NCOA2: variants seen among roughly 807,000 people sequenced by gnomAD.
The protein encoded by NCOA2 is class E basic helix-loop-helix protein 75.
A neutral mutation model predicts 145.1 loss-of-function variants in NCOA2; 21 were observed. That is an observed-to-expected ratio of 0.14 (90% CI 0.10 to 0.21). The LOEUF is 0.21. Among genes scored for constraint, NCOA2 ranks in the 10% least tolerant of loss-of-function variants. The pLI is 1.00. For synonymous variants in NCOA2, 619 were observed against 637.5 expected (o/e 0.97, Z 0.44); for missense variants, 1,472 against 1,837.6 (o/e 0.80, Z 3.64).
At chr8:70,368,445 T>C (rs1300460589) in intron 1 of NCOA2, among the ~76,000 whole-genome samples, 1 of 151,984 alleles carries the variant, frequency 6.6e-6, no homozygotes, top group Non-Finnish European at 1.5e-5. Flanking sequence ...GGATTATAGA[T>C]AAAAGACCAA....
rs1282613316 is a variant in NCOA2 at position 70,141,318 on chromosome 8, C to T, written c.2894G>A (p.Cys965Tyr). The change falls in exon 14 of 23, where the codon TGT becomes TAT. Residue 965 changes from cysteine (C) to tyrosine (Y), a missense_variant. Transcript: ENST00000452400. Reference sequence around the variant, plus strand: ...GTTCATGGCACTGGTGGTAGCAGCACAGGTGACTCTCACAGCCGAACTCTG... The same window carrying T: ...GTTCATGGCACTGGTGGTAGCAGCATAGGTGACTCTCACAGCCGAACTCTG... ...APQSSAVRVTCAATTSAMNRP... is the reference protein window; with the variant it reads ...APQSSAVRVTYAATTSAMNRP... 1 of 1,613,944 alleles carries T rather than the reference C, an allele frequency of 6.2e-7. No homozygotes were observed. Among genetic ancestry groups the T allele is most frequent in the Admixed American group, 1.7e-5 (1 of 60,014 alleles).
At chr8:70,424,320 CT>C in the NCOA2 span, 1 of 370,282 alleles carries the variant, frequency 2.7e-6, no homozygotes. Flanking sequence ...CCTTTCCATC[CT>C]TCTGCCTGTT....
the NCOA2 span, among the ~76,000 whole-genome samples, chr8:70,448,557 A>G: frequency 6.6e-6 from 1 of 152,356 alleles, no homozygotes; most frequent in African/African-American, 2.4e-5. Context: ...TGGCATCACG[A>G]CTAAGAAAAC....
intron 1 of NCOA2, among the ~76,000 whole-genome samples, chr8:70,333,313 G>A (rs1018124329): frequency 2.6e-5 from 4 of 152,136 alleles, no homozygotes; most frequent in African/African-American, 9.7e-5. Context: ...TGGGTACCTT[G>A]GGGTGCCAAT....
chr8:70,132,390 T>C (rs1253060614), intron 15 of NCOA2, among the ~76,000 whole-genome samples: 1 of 152,168 alleles, frequency 6.6e-6, no homozygotes, highest in Non-Finnish European at 1.5e-5. Flanking sequence ...TGCCCTTTAG[T>C]AGGAATCACG....
chr8:70,142,228 T>C (rs1180344258), intron 13 of NCOA2, among the ~76,000 whole-genome samples: 1 of 152,244 alleles, frequency 6.6e-6, no homozygotes, highest in Non-Finnish European at 1.5e-5. Context: ...AAGTGTTTAA[T>C]GATGGATACA....
chr8:70,253,592 A>C (rs1291077137), intron 2 of NCOA2, among the ~76,000 whole-genome samples: 4 of 152,138 alleles, frequency 2.6e-5, no homozygotes, highest in Non-Finnish European at 4.4e-5. Flanking sequence ...AAAACAAAAA[A>C]ACCTCTCACA....
At chr8:70,316,179 A>G (rs1389807271) in intron 1 of NCOA2, among the ~76,000 whole-genome samples, 1 of 152,202 alleles carries the variant, frequency 6.6e-6, no homozygotes, top group African/African-American at 2.4e-5. Flanking sequence ...CTCAGTAAAT[A>G]AACTATGTTT....
intron 15 of NCOA2, among the ~76,000 whole-genome samples, chr8:70,134,752 T>C (rs1193486385): frequency 6.6e-6 from 1 of 152,176 alleles, no homozygotes; most frequent in East Asian, 1.9e-4. Context: ...TAAAATCACT[T>C]TTTGTTACAT....
intron 16 of NCOA2, among the ~76,000 whole-genome samples, chr8:70,131,452 G>A (rs1194331492): frequency 6.6e-6 from 1 of 152,180 alleles, no homozygotes; most frequent in African/African-American, 2.4e-5. Context: ...GAATACTGGG[G>A]TCACGACTAC....
chr8:70,414,628 A>G, the NCOA2 span, among the ~76,000 whole-genome samples: 3 of 152,234 alleles, frequency 2.0e-5, no homozygotes, highest in Admixed American at 6.5e-5. Context: ...TTACCAGTAC[A>G]GTACTATTAT....
the NCOA2 span, among the ~76,000 whole-genome samples, chr8:70,454,308 G>C: frequency 6.6e-6 from 1 of 152,322 alleles, no homozygotes; most frequent in Middle Eastern, 3.4e-3. Context: ...GCTCATGACA[G>C]CTCGGCAGCT....
the NCOA2 span, among the ~76,000 whole-genome samples, chr8:70,450,378 G>C: frequency 4.9e-4 from 75 of 152,242 alleles, no homozygotes; most frequent in Middle Eastern, 0.01. Flanking sequence ...ACCATGTGAA[G>C]ATATAGCAAG....
At chr8:70,299,235 A>G (rs1179034139) in intron 1 of NCOA2, among the ~76,000 whole-genome samples, 20 of 152,232 alleles carry the variant, frequency 1.3e-4, no homozygotes. Flanking sequence ...AGAAACTAGT[A>G]GTCATTTAAA....
chr8:70,157,048 G>A lies in NCOA2; in HGVS notation c.1317C>T (p.Gly439=). ...TCATTCCCCCAGAACCACCAAACCT[G>A]CCCATGGGCATGCCCATTTGTTCCT... The part of the protein sequence containing the change: ...GPKEQMGMPM[G]RFGGSGGMNH... Residue 439 remains glycine (G), a synonymous_variant, in exon 11 of 23, where the codon GGC becomes GGT. Transcript: ENST00000452400. 1.2e-6 allele frequency: 2 copies of A among 1,614,034 alleles called. No homozygotes were observed. The highest frequency in any genetic ancestry group is 1.7e-6 in the Non-Finnish European group (2 of 1,179,894).
chr8:70,357,466 G>A (rs1314680829), intron 1 of NCOA2: 6 of 152,430 alleles, frequency 3.9e-5, no homozygotes. Context: ...AAAAGGCCAG[G>A]TGCGGTGGCT....
chr8:70,271,784 G>A (rs1825066898), intron 2 of NCOA2, among the ~76,000 whole-genome samples: 1 of 152,206 alleles, frequency 6.6e-6, no homozygotes, highest in African/African-American at 2.4e-5. Flanking sequence ...GCTTCTGACA[G>A]CTTGTGCCTA....
intron 15 of NCOA2, 174 bp downstream of exon 15, chr8:70,138,029 G>C (rs868387399): frequency 1.0e-5 from 5 of 487,106 alleles, no homozygotes; most frequent in Middle Eastern, 5.0e-4. Flanking sequence ...CTCCTTTAAA[G>C]GTATGTCCTA....
At chr8:70,341,094 A>AAAAAAAG (rs751360659) in intron 1 of NCOA2, among the ~76,000 whole-genome samples, 14,112 of 150,134 alleles carry the variant, frequency 0.094, 1,022 homozygotes, top group East Asian at 0.38. Flanking sequence ...AAAAAAAAAA[A>AAAAAAAG]AAAGAAACAA....
Sources: gnomAD v4.1 joint callset for allele counts (sites outside exome capture counted in the v4.1 genomes callset) on GRCh38, gnomAD v4.1.1 for gene constraint, MANE v1.5 for transcripts, NCBI Gene and HGNC (gene_info 2026-07-23, HGNC 2026-07-21) for gene names.